GTF3A: variants seen among roughly 807,000 people sequenced by gnomAD.
The protein encoded by GTF3A is general transcription factor IIIA, also known as transcription factor IIIA.
Under a neutral mutation model 37.6 loss-of-function variants are expected in GTF3A, and 40 were observed. That is an observed-to-expected ratio of 1.06 (90% CI 0.83 to 1.38). GTF3A has a LOEUF of 1.38. GTF3A is among the 40% of genes most tolerant of loss of function. The pLI is 0.00. For synonymous variants in GTF3A, 191 were observed against 166.7 expected (o/e 1.15, Z -1.12); for missense variants, 500 against 462.6 (o/e 1.08, Z -0.74).
intron 1 of GTF3A, 169 bp downstream of exon 1, chr13:27,425,107 C>A: frequency 1.9e-6 from 1 of 534,260 alleles, no homozygotes; most frequent in Non-Finnish European, 3.4e-6. Flanking sequence ...GTAGGACCTT[C>A]GTTCTGCGAC....
At chr13:27,428,319 C>T (rs891312139) in intron 2 of GTF3A, among the ~76,000 whole-genome samples, 1 of 152,130 alleles carries the variant, frequency 6.6e-6, no homozygotes, top group African/African-American at 2.4e-5. Flanking sequence ...CTGTAACTGA[C>T]CCATCAGATC....
chr13:27,426,945 C>T (rs938095160), intron 1 of GTF3A, 147 bp from the exon 2 acceptor site: 13 of 569,634 alleles, frequency 2.3e-5, no homozygotes, highest in Non-Finnish European at 3.5e-5. Context: ...AGGAACACTG[C>T]GTCTTGCAGT....
chr13:27,424,839 C>G lies in GTF3A; in HGVS notation c.102C>G (p.Pro34=). 6.4e-7 allele frequency: 1 copy of G among 1,550,994 alleles called. No homozygotes were observed. Among genetic ancestry groups the G allele is most frequent in the Non-Finnish European group, 8.7e-7 (1 of 1,146,864 alleles). Residue 34 remains proline, a synonymous_variant, in exon 1 of 9, where the codon CCC becomes CCG. Transcript: ENST00000381140. ...GCTCAGCTCCGACCCCGCCGCGCCC[C>G]GCGCTTCCCAGGAGGTTCATCTGCT...
intron 2 of GTF3A, 66 bp downstream of exon 2, chr13:27,427,258 G>A: frequency 1.3e-6 from 1 of 778,664 alleles, no homozygotes; most frequent in Non-Finnish European, 2.3e-6. Context: ...CCAGTAAGAA[G>A]ATTGATGTTA....
chr13:27,435,250 A>G, intron 8 of GTF3A, 58 bp downstream of exon 8: 20 of 1,441,622 alleles, frequency 1.4e-5, no homozygotes, highest in Non-Finnish European at 1.9e-5. Flanking sequence ...TTAAGGCCAG[A>G]AGGAGTCTGT....
chr13:27,424,844 T>G lies in GTF3A; in HGVS notation c.107T>G (p.Leu36Arg). 6.4e-7 allele frequency: 1 copy of G among 1,550,932 alleles called. No individual in the cohort carries two copies. The highest frequency in any genetic ancestry group is 8.7e-7 in the Non-Finnish European group (1 of 1,146,782). ...GCTCCGACCCCGCCGCGCCCCGCGC[T>G]TCCCAGGAGGTTCATCTGCTCCTTC... The change falls in exon 1 of 9, where the codon CTT (leucine) becomes CGT (arginine). Residue 36 changes from leucine to arginine, a missense_variant. Physicochemically the swap from Leu to Arg is moderately radical, Grantham distance 102. Transcript: ENST00000381140.
Position 27,424,757 on chromosome 13 carries a change from T to G in GTF3A, c.20T>G (p.Val7Gly). The G allele has an allele frequency of 4.0e-6, 6 of 1,484,144 alleles. No individual in the cohort carries two copies. The highest frequency in any genetic ancestry group is 5.4e-6 in the Non-Finnish European group (6 of 1,116,524). The allele number at this position is 1,484,144 out of a possible 1,614,324, so 91.9% of individuals were successfully genotyped here. ...GGCGCCCTGGATCCGCCGGCCGTGGTCGCCGAGTCGGTGTCGTCCTTGACC... is the reference window on the plus strand; with the variant it reads ...GGCGCCCTGGATCCGCCGGCCGTGGGCGCCGAGTCGGTGTCGTCCTTGACC... Residue 7 changes from valine (V) to glycine (G), a missense_variant, in exon 1 of 9, where the codon GTC (valine) becomes GGC (glycine). Physicochemically the swap from Val to Gly is moderately radical, Grantham distance 109. Transcript: ENST00000381140.
At chr13:27,424,968 C>T (rs1337041033) in intron 1 of GTF3A, 30 bp downstream of exon 1, 1 of 1,500,962 alleles carries the variant, frequency 6.7e-7, no homozygotes, top group East Asian at 2.6e-5. Context: ...CAACCCTGGG[C>T]CTAGGGATGG....
At chr13:27,430,133 A>G (rs566131288) in intron 3 of GTF3A, among the ~76,000 whole-genome samples, 167 bp downstream of exon 3, 28 of 151,962 alleles carry the variant, frequency 1.8e-4, no homozygotes, top group Admixed American at 1.2e-3. Context: ...TCTGAAAAAA[A>G]AAAACAAAAA....
chr13:27,424,743 TC>T lies in GTF3A; in HGVS notation c.8del (p.Pro3ArgfsTer12). 6.8e-7 allele frequency: 1 copy of T among 1,464,628 alleles called. No individual in the cohort carries two copies. Among genetic ancestry groups the T allele is most frequent in the Admixed American group, 2.5e-5 (1 of 40,792 alleles). 90.7% of individuals were successfully genotyped at this position (1,464,628 alleles called of 1,614,324 possible). ...GGCTTGGAGGCGCCGGCGCCCTGGATCCGCCGGCCGTGGTCGCCGAGTCGGT... is the reference window on the plus strand; with the variant it reads ...GGCTTGGAGGCGCCGGCGCCCTGGATCGCCGGCCGTGGTCGCCGAGTCGGT... On this transcript the variant is annotated frameshift_variant, in exon 1 of 9. Transcript: ENST00000381140. LOFTEE classifies it high-confidence loss of function.
At position 27,435,418 on chromosome 13, in the gene GTF3A, TC is replaced by T. The variant is rs769458691; in HGVS notation, c.934-13del. 8 of 1,608,424 alleles carry T rather than the reference TC, an allele frequency of 5.0e-6. No homozygotes were observed. The highest frequency in any genetic ancestry group is 1.7e-4 in the Middle Eastern group (1 of 6,060). On this transcript the variant is annotated splice_polypyrimidine_tract_variant and intron_variant, in intron 8 of 8. Transcript: ENST00000381140. ...GATTTTGAATTCTAATCGTGTGTCTTCCTTATTCCCAAAGGTCAAAAAATCT... is the reference window on the plus strand; with the variant it reads ...GATTTTGAATTCTAATCGTGTGTCTTCTTATTCCCAAAGGTCAAAAAATCT...
At chr13:27,426,146 G>C (rs2138020730) in intron 1 of GTF3A, 1 of 152,398 alleles carries the variant, frequency 6.6e-6, no homozygotes, top group East Asian at 1.9e-4. Context: ...GTAGATCCAC[G>C]TAAGAGCTTG....
At chr13:27,431,473 G>A (rs1456997290) in intron 4 of GTF3A, among the ~76,000 whole-genome samples, 2 of 152,198 alleles carry the variant, frequency 1.3e-5, no homozygotes, top group Non-Finnish European at 2.9e-5. Flanking sequence ...GGAACAAAAT[G>A]ATGTCTTTTG....
Position 27,427,306 on chromosome 13 carries a change from G to A in GTF3A, c.302+114G>A, listed in dbSNP as rs113865889. The A allele has an allele frequency of 1.8e-5, 12 of 664,498 alleles. 1 individual carries two copies. The highest frequency in any genetic ancestry group is 2.5e-5 in the Non-Finnish European group (9 of 359,344). The allele number at this position is 664,498 out of a possible 1,614,324, so 41.2% of individuals were successfully genotyped here. On this transcript the variant is annotated intron_variant, in intron 2 of 8. Transcript: ENST00000381140. ...AGGAATGTGAAGCCTGGCAGGGCTCGGTGGCTCATGCCTGTAATCCCAGCA... is the reference window on the plus strand; with the variant it reads ...AGGAATGTGAAGCCTGGCAGGGCTCAGTGGCTCATGCCTGTAATCCCAGCA...
Position 27,424,814 on chromosome 13 carries a change from G to A in GTF3A, c.77G>A (p.Ser26Asn). ...GACGCGTTCATTGCAGCCGGCGAGA[G>A]CTCAGCTCCGACCCCGCCGCGCCCC... is the stretch of plus-strand genomic sequence containing the variant. Residue 26 changes from serine to asparagine, a missense_variant, in exon 1 of 9, where the codon AGC (serine) becomes AAC (asparagine). Physicochemically the swap from Ser to Asn is conservative, Grantham distance 46 (BLOSUM62 1). Transcript: ENST00000381140. 6.5e-7 allele frequency: 1 copy of A among 1,549,798 alleles called. No homozygotes were observed. The highest frequency in any genetic ancestry group is 1.4e-5 in the African/African-American group (1 of 73,030).
rs1953618694 is a variant in GTF3A, at chr13:27,427,762, C to T, written c.302+570C>T. 2.0e-5 allele frequency among the ~76,000 whole-genome samples: 3 copies of T among 150,774 alleles called. No individual in the cohort carries two copies. The Admixed American group carries it at 2.0e-4, about 10-fold the overall frequency. On this transcript the variant is annotated intron_variant, in intron 2 of 8. Coordinates refer to ENST00000381140, the MANE Select transcript of GTF3A (RefSeq NM_002097.3). ...ATTTGTAAAGAAGTCTTAAAAGTTA[C>T]ATAACAAAACTAAAAATGTCATCTG...
At position 27,434,298 on chromosome 13, in the gene GTF3A, T is replaced by C. The variant is rs77552653; in HGVS notation, c.643+79T>C. 8.5e-3 allele frequency: 6,490 copies of C among 763,280 alleles called. 287 individuals carry two copies. The African/African-American group carries it at 0.097, about 11-fold the overall frequency. 47.3% of individuals were successfully genotyped at this position (763,280 alleles called of 1,614,324 possible). On this transcript the variant is annotated intron_variant, in intron 6 of 8. Coordinates refer to ENST00000381140, the MANE Select transcript of GTF3A (RefSeq NM_002097.3). ...GATTTAGTGCTTTTCAAGAGTGAAA[T>C]GCTGTGTGCTTTAAAGTAAAAGGGT...
intron 2 of GTF3A, among the ~76,000 whole-genome samples, chr13:27,427,585 G>A (rs1953616969): frequency 6.6e-6 from 1 of 152,044 alleles, no homozygotes; most frequent in African/African-American, 2.4e-5. Context: ...AAAGCCATGA[G>A]AAAATCACCA....
rs1566078097 is a variant in GTF3A at position 27,435,192 on chromosome 13, AG to A, written c.933+1del. On this transcript the variant is annotated splice_donor_variant, in intron 8 of 8. Transcript: ENST00000381140. LOFTEE classifies it high-confidence loss of function. ...CTGACAAGAAGAAAATGAAGCTCAAAGTAAGTTGAAACTACTTAGGCAAGCT... is the reference window on the plus strand; with the variant it reads ...CTGACAAGAAGAAAATGAAGCTCAAATAAGTTGAAACTACTTAGGCAAGCT... The A allele has an allele frequency of 6.3e-7, 1 of 1,597,012 alleles. No individual in the cohort carries two copies. The highest frequency in any genetic ancestry group is 8.5e-7 in the Non-Finnish European group (1 of 1,174,830).
Sources: allele counts gnomAD v4.1 joint callset (sites outside exome capture counted in the v4.1 genomes callset), GRCh38; gene constraint gnomAD v4.1.1; transcripts MANE v1.5; gene names NCBI Gene and HGNC (gene_info 2026-07-23, HGNC 2026-07-21).